Variants in VAC14 observed in about 807,000 individuals in gnomAD.
VAC14 encodes the protein VAC14 component of PIKFYVE complex, also known as protein VAC14 homolog.
Under a neutral mutation model 85.3 loss-of-function variants are expected in VAC14, and 47 were observed. The observed-to-expected ratio is 0.55, with a 90% CI of 0.44 to 0.70. The LOEUF (loss-of-function observed/expected upper bound fraction) is 0.70. VAC14 is among the 30% of genes least tolerant of loss of function. VAC14 has a pLI of 0.00. For missense variants in VAC14, 861 were observed against 1,004.3 expected (o/e 0.86, Z 1.93); for synonymous variants, 447 against 430.5 (o/e 1.04, Z -0.47).
intron 12 of VAC14, chr16:70,755,364 G>C (rs1379201854): frequency 4.9e-6 from 1 of 203,904 alleles, no homozygotes. Context: ...GGTCAGCCAA[G>C]GACAAAACCC....
At chr16:70,712,809 A>G (rs1322626395) in intron 14 of VAC14, among the ~76,000 whole-genome samples, 2 of 152,180 alleles carry the variant, frequency 1.3e-5, no homozygotes, top group Non-Finnish European at 2.9e-5. Context: ...ATATTTCTAA[A>G]CAGAAAATAA....
At chr16:70,739,988 T>C (rs2030106722) in intron 13 of VAC14, among the ~76,000 whole-genome samples, 1 of 152,132 alleles carries the variant, frequency 6.6e-6, no homozygotes, top group South Asian at 2.1e-4. Flanking sequence ...TGAGATGTAG[T>C]CTCGCTCTGT....
At chr16:70,781,506 T>C (rs966554150) in intron 8 of VAC14, among the ~76,000 whole-genome samples, 3 of 152,164 alleles carry the variant, frequency 2.0e-5, no homozygotes, top group Non-Finnish European at 2.9e-5. Flanking sequence ...CTCCTTGTCA[T>C]ACTGGTGCCC....
In VAC14 at chr16:70,775,051, G is replaced by A. The variant is rs2033451356; in HGVS notation, c.1097-2879C>T. 5.3e-5 allele frequency among the ~76,000 whole-genome samples: 8 copies of A among 151,992 alleles called. No homozygotes were observed. The South Asian group carries it at 1.7e-3, about 32-fold the overall frequency. ...ACAGGCGTGAGCCACCATGCCCAGC[G>A]TATTGACTGAAGTTTTCTGTAAGGA... On this transcript the variant is annotated intron_variant, in intron 9 of 18. Transcript: ENST00000261776.
chr16:70,718,387 A>G (rs1161452990), intron 14 of VAC14, among the ~76,000 whole-genome samples: 2 of 152,054 alleles, frequency 1.3e-5, no homozygotes, highest in African/African-American at 4.8e-5. Flanking sequence ...CCTGGCTAAC[A>G]TGGTGAAACC....
intron 1 of VAC14, among the ~76,000 whole-genome samples, chr16:70,799,455 AC>A (rs773267010): frequency 6.6e-6 from 1 of 152,164 alleles, no homozygotes; most frequent in Non-Finnish European, 1.5e-5. Flanking sequence ...CAAGGTCCGA[AC>A]CCTTTAGTTT....
intron 14 of VAC14, among the ~76,000 whole-genome samples, chr16:70,730,809 C>T (rs1319678639): frequency 2.6e-5 from 4 of 151,984 alleles, no homozygotes; most frequent in African/African-American, 9.7e-5. Flanking sequence ...AGTGATCTAA[C>T]CTGCAGGGCT....
intron 12 of VAC14, among the ~76,000 whole-genome samples, chr16:70,751,035 G>A (rs1036676906): frequency 1.3e-5 from 2 of 152,174 alleles, no homozygotes; most frequent in African/African-American, 4.8e-5. Flanking sequence ...CTGACCTGCA[G>A]CGTTGGACAG....
chr16:70,775,282 T>C (rs903827395), intron 9 of VAC14, among the ~76,000 whole-genome samples: 1 of 152,188 alleles, frequency 6.6e-6, no homozygotes, highest in Non-Finnish European at 1.5e-5. Flanking sequence ...GCAAAACCTC[T>C]TTCTCTCCTT....
chr16:70,789,777 G>C (rs1032183705), intron 1 of VAC14, among the ~76,000 whole-genome samples: 2 of 152,114 alleles, frequency 1.3e-5, no homozygotes, highest in Non-Finnish European at 2.9e-5. Context: ...CCAGGATGTG[G>C]GATGCACCTA....
intron 1 of VAC14, among the ~76,000 whole-genome samples, chr16:70,794,035 G>A (rs1335352183): frequency 1.3e-5 from 2 of 152,198 alleles, no homozygotes; most frequent in Non-Finnish European, 2.9e-5. Context: ...AAGAGTCAGT[G>A]ACAGCAGGAG....
chr16:70,766,143 C>T (rs1371586015), intron 10 of VAC14, among the ~76,000 whole-genome samples: 3 of 147,894 alleles, frequency 2.0e-5, no homozygotes, highest in Non-Finnish European at 4.4e-5. Context: ...CAGAGCAAGA[C>T]CCTGTCCCAA....
chr16:70,731,674 A>G (rs199515634), intron 13 of VAC14, 47 bp from the exon 14 acceptor site: 302 of 1,566,536 alleles, frequency 1.9e-4, no homozygotes, highest in Non-Finnish European at 2.4e-4. Context: ...TTATGTGTCC[A>G]CAGGGTGATG....
chr16:70,723,766 C>T (rs954643011), intron 14 of VAC14, among the ~76,000 whole-genome samples: 20 of 152,138 alleles, frequency 1.3e-4, no homozygotes, highest in Admixed American at 5.9e-4. Flanking sequence ...GTGCAGACAA[C>T]AAAGAACGTG....
chr16:70,772,151 T>A lies in VAC14; in HGVS notation c.1118A>T (p.Asp373Val). The A allele has an allele frequency of 6.2e-7, 1 of 1,613,864 alleles. No individual in the cohort carries two copies. Residue 373 changes from aspartate to valine, a missense_variant, in exon 10 of 19, where the codon GAC becomes GTC. Physicochemically the swap from Asp to Val is radical, Grantham distance 152. This residue lies in a region of VAC14 where 629 missense variants were observed against 703.1 expected (regional missense o/e 0.89). Coordinates refer to ENST00000261776, the MANE Select transcript of VAC14 (RefSeq NM_018052.5). ...TASGGPDGSC[D>V]SSFSSGISVF... Reference sequence around the variant, plus strand: ...ACTGATGCCGCTACTGAAGCTGGAGTCACAGGAACCATCTGGACCTCCTGG... The same window carrying A: ...ACTGATGCCGCTACTGAAGCTGGAGACACAGGAACCATCTGGACCTCCTGG...
chr16:70,702,755 A>C (rs1332399011), intron 14 of VAC14, among the ~76,000 whole-genome samples: 1 of 152,208 alleles, frequency 6.6e-6, no homozygotes, highest in Non-Finnish European at 1.5e-5. Context: ...CCCTTGAGTC[A>C]GGAAGCTGGG....
In VAC14 at chr16:70,762,942, A is replaced by G. The variant is rs768111248; in HGVS notation, c.1244T>C (p.Met415Thr). The G allele has an allele frequency of 3.7e-6, 6 of 1,614,206 alleles. No individual in the cohort carries two copies. The highest frequency in any genetic ancestry group is 5.1e-6 in the Non-Finnish European group (6 of 1,180,036). Residue 415 changes from methionine to threonine, a missense_variant, in exon 11 of 19, where the codon ATG (methionine) becomes ACG (threonine). By Grantham distance (81) the Met-to-Thr change is moderately conservative (BLOSUM62 -1). Coordinates refer to ENST00000261776, the MANE Select transcript of VAC14 (RefSeq NM_018052.5). This position sits in a 1 kb window ranked among gnomAD's most constrained non-coding sequence, Gnocchi z 4.1. ...CTTGAGAACTGCAATCCTGGTCATC[A>G]TCCCAATGGCCGTGTCACTGAGGTG... ...NCHLSDTAIGMMTRIAVLKWL... is the reference protein window; with the variant it reads ...NCHLSDTAIGTMTRIAVLKWL...
At chr16:70,720,497 C>G (rs1022268234) in intron 14 of VAC14, among the ~76,000 whole-genome samples, 2 of 152,144 alleles carry the variant, frequency 1.3e-5, no homozygotes, top group African/African-American at 4.8e-5. Context: ...CAAGACCAAG[C>G]TGAAAACAAG....
chr16:70,765,773 A>C (rs1276839224), intron 10 of VAC14, among the ~76,000 whole-genome samples: 1 of 152,112 alleles, frequency 6.6e-6, no homozygotes. Flanking sequence ...GCCCCTCTGC[A>C]CCCAGGGGAT....
Sources: gnomAD v4.1 joint callset for allele counts (sites outside exome capture counted in the v4.1 genomes callset) on GRCh38, gnomAD v4.1.1 for gene constraint, gnomAD v4.1.1 regional missense constraint, Gnocchi (gnomAD v3.1) non-coding constraint, MANE v1.5 for transcripts, NCBI Gene and HGNC (gene_info 2026-07-23, HGNC 2026-07-21) for gene names.